NKAIN2: variants seen among roughly 807,000 people sequenced by gnomAD.
The protein encoded by NKAIN2 is sodium/potassium-transporting ATPase subunit beta-1-interacting protein 2.
A neutral mutation model predicts 32.6 loss-of-function variants in NKAIN2; 14 were observed. That is an observed-to-expected ratio of 0.43 (90% confidence interval 0.28 to 0.67). The LOEUF (loss-of-function observed/expected upper bound fraction) is 0.67. Ranked by LOEUF, NKAIN2 falls within the 30% of genes least tolerant of loss-of-function variation. NKAIN2 has a pLI of 0.17. For synonymous variants in NKAIN2, 80 were observed against 87.2 expected (o/e 0.92, Z 0.46); for missense variants, 198 against 258.3 (o/e 0.77, Z 1.60).
chr6:124,635,049 AGGAAAG>A (rs1342533261), intron 3 of NKAIN2, among the ~76,000 whole-genome samples: 1 of 151,216 alleles, frequency 6.6e-6, no homozygotes, highest in African/African-American at 2.4e-5. Context: ...GAAGGAAGGA[AGGAAAG>A]AGAGAAAGAA....
chr6:124,185,471 A>C (rs1246173125), intron 1 of NKAIN2, among the ~76,000 whole-genome samples: 1 of 152,174 alleles, frequency 6.6e-6, no homozygotes, highest in African/African-American at 2.4e-5. Context: ...TGCTCAAAGA[A>C]AGATGAACTT....
rs1298208765 is a variant in NKAIN2 at position 124,081,380 on chromosome 6, T to A, written c.55-201625T>A. 1.3e-5 allele frequency among the ~76,000 whole-genome samples: 2 copies of A among 152,096 alleles called. 1 individual carries two copies. Among genetic ancestry groups the A allele is most frequent in the Middle Eastern group, 6.4e-3 (2 of 314 alleles). On this transcript the variant is annotated intron_variant, in intron 1 of 6. Coordinates refer to ENST00000368417, the MANE Select transcript of NKAIN2 (RefSeq NM_001040214.3). ...TTTTGAAATAAGGTTATATTACTAG[T>A]TTACCAGAATTTTTATGTTTCATTC...
intron 1 of NKAIN2, among the ~76,000 whole-genome samples, chr6:124,262,324 T>G (rs1447212934): frequency 6.6e-6 from 1 of 152,128 alleles, no homozygotes; most frequent in Non-Finnish European, 1.5e-5. Context: ...TGAAAACTCA[T>G]AATTGTGACA....
chr6:123,911,810 T>TACACAAACAC (rs1375455189), intron 1 of NKAIN2, among the ~76,000 whole-genome samples: 1 of 94,312 alleles, frequency 1.1e-5, no homozygotes, highest in African/African-American at 5.6e-5. Context: ...TGTATATATA[T>TACACAAACAC]ATACACACAC....
chr6:124,726,974 G>C (rs1404739029), intron 4 of NKAIN2, among the ~76,000 whole-genome samples: 3 of 146,752 alleles, frequency 2.0e-5, no homozygotes, highest in Non-Finnish European at 3.0e-5. Flanking sequence ...AAGATGAAAT[G>C]AATGAAATGA....
At chr6:123,841,149 A>G (rs1385505451) in intron 1 of NKAIN2, among the ~76,000 whole-genome samples, 1 of 152,196 alleles carries the variant, frequency 6.6e-6, no homozygotes, top group African/African-American at 2.4e-5. Flanking sequence ...ATAGGGCGGT[A>G]TATGTACACA....
chr6:124,748,752 T>C (rs1777573078), intron 4 of NKAIN2, among the ~76,000 whole-genome samples: 1 of 151,942 alleles, frequency 6.6e-6, no homozygotes, highest in Non-Finnish European at 1.5e-5. Flanking sequence ...GTTTATCCAT[T>C]TGATTTACTG....
At chr6:124,487,429 G>T (rs141289908) in intron 3 of NKAIN2, among the ~76,000 whole-genome samples, 238 of 152,204 alleles carry the variant, frequency 1.6e-3, no homozygotes, top group African/African-American at 5.6e-3. Context: ...AATTTCAACA[G>T]CTTAACTTAG....
chr6:123,859,015 CTT>C (rs1250148873), intron 1 of NKAIN2, among the ~76,000 whole-genome samples: 1 of 151,990 alleles, frequency 6.6e-6, no homozygotes, highest in Non-Finnish European at 1.5e-5. Flanking sequence ...ATATGTATAA[CTT>C]AAACATATAT....
chr6:124,395,231 A>G (rs7775121), intron 3 of NKAIN2, among the ~76,000 whole-genome samples: 6,431 of 152,190 alleles, frequency 0.042, 416 homozygotes, highest in African/African-American at 0.15. Context: ...ACACTGTCCT[A>G]TTCCCACAGG....
chr6:124,384,156 A>C (rs2114385591), intron 3 of NKAIN2, among the ~76,000 whole-genome samples: 1 of 152,258 alleles, frequency 6.6e-6, no homozygotes, highest in African/African-American at 2.4e-5. Context: ...TGTTTATATA[A>C]GTTAATTATC....
intron 1 of NKAIN2, among the ~76,000 whole-genome samples, chr6:124,261,791 CA>C (rs1302233505): frequency 6.7e-6 from 1 of 149,360 alleles, no homozygotes; most frequent in Non-Finnish European, 1.5e-5. Flanking sequence ...ATCCGGGAGG[CA>C]GAGATTGCAG....
At chr6:123,920,799 G>T (rs1775716154) in intron 1 of NKAIN2, among the ~76,000 whole-genome samples, 1 of 152,132 alleles carries the variant, frequency 6.6e-6, no homozygotes, top group Admixed American at 6.6e-5. Context: ...AACAAGAAAT[G>T]AATCATATCT....
intron 4 of NKAIN2, among the ~76,000 whole-genome samples, chr6:124,782,466 T>G (rs557428098): frequency 6.6e-6 from 1 of 152,246 alleles, no homozygotes; most frequent in Non-Finnish European, 1.5e-5. Context: ...CTAAATATTT[T>G]AATACAAATA....
At chr6:124,706,299 AG>A (rs1451828698) in intron 4 of NKAIN2, among the ~76,000 whole-genome samples, 1 of 152,178 alleles carries the variant, frequency 6.6e-6, no homozygotes, top group Non-Finnish European at 1.5e-5. Context: ...TTACAGATGA[AG>A]AAATGAGCCT....
chr6:124,271,374 G>A (rs182553981), intron 1 of NKAIN2, among the ~76,000 whole-genome samples: 366 of 152,100 alleles, frequency 2.4e-3, no homozygotes, highest in African/African-American at 8.2e-3. Flanking sequence ...CTGCCACCAC[G>A]CCTGGCTAAT....
intron 4 of NKAIN2, among the ~76,000 whole-genome samples, chr6:124,716,159 C>A (rs1185532828): frequency 6.6e-6 from 1 of 152,196 alleles, no homozygotes; most frequent in African/African-American, 2.4e-5. Context: ...AAGACCTCAT[C>A]TTGCTTTGTG....
intron 1 of NKAIN2, among the ~76,000 whole-genome samples, chr6:123,862,678 A>G (rs1320965444): frequency 6.6e-6 from 1 of 152,030 alleles, no homozygotes; most frequent in African/African-American, 2.4e-5. Flanking sequence ...TTTTGCTCAT[A>G]CTGTTCTTTC....
chr6:124,596,010 C>T (rs1350671633), intron 3 of NKAIN2, among the ~76,000 whole-genome samples: 1 of 152,124 alleles, frequency 6.6e-6, no homozygotes, highest in African/African-American at 2.4e-5. Context: ...ACTCTCCTCT[C>T]ACATTACCTC....
Sources: gnomAD v4.1 joint callset for allele counts (sites outside exome capture counted in the v4.1 genomes callset) on GRCh38, gnomAD v4.1.1 for gene constraint, MANE v1.5 for transcripts, NCBI Gene and HGNC (gene_info 2026-07-23, HGNC 2026-07-21) for gene names.